MAP2: variants seen among roughly 807,000 people sequenced by gnomAD.
The protein encoded by MAP2 is microtubule-associated protein 2.
Under a neutral mutation model 137.6 loss-of-function variants are expected in MAP2, and 14 were observed. The observed-to-expected ratio is 0.10, with a 90% CI of 0.07 to 0.16. The LOEUF (loss-of-function observed/expected upper bound fraction) is 0.16. Ranked by LOEUF, MAP2 falls within the 10% of genes least tolerant of loss-of-function variation. The probability of loss-of-function intolerance (pLI) is 1.00; values close to 1 mark genes in which losing one functional copy is unlikely to be tolerated. For synonymous variants in MAP2, 786 were observed against 782.3 expected, an observed-to-expected ratio of 1.00 and a Z score of -0.08; for missense variants, 2,088 against 2,191.5, an observed-to-expected ratio of 0.95 and a Z score of 0.94.
intron 3 of MAP2, among the ~76,000 whole-genome samples, chr2:209,580,605 C>T (rs1212482523): frequency 6.6e-6 from 1 of 152,080 alleles, no homozygotes; most frequent in Non-Finnish European, 1.5e-5. Context: ...TCTTTATTGA[C>T]ATTTCAGTCT....
intron 5 of MAP2, among the ~76,000 whole-genome samples, chr2:209,676,471 T>C (rs1161271184): frequency 2.0e-5 from 3 of 151,436 alleles, no homozygotes; most frequent in Non-Finnish European, 4.4e-5. Flanking sequence ...AAATAATCTG[T>C]ACAACAAGCC....
chr2:209,628,448 A>C (rs2153540714), intron 4 of MAP2, among the ~76,000 whole-genome samples: 1 of 152,324 alleles, frequency 6.6e-6, no homozygotes, highest in South Asian at 2.1e-4. Flanking sequence ...AGATAATTAC[A>C]GTACCAAGCT....
At chr2:209,498,693 T>G (rs2060038315) in intron 1 of MAP2, among the ~76,000 whole-genome samples, 1 of 152,230 alleles carries the variant, frequency 6.6e-6, no homozygotes, top group Non-Finnish European at 1.5e-5. Flanking sequence ...CTGCCAAGAC[T>G]TACAGCAGTT....
intron 3 of MAP2, among the ~76,000 whole-genome samples, chr2:209,589,133 A>G (rs1001401490): frequency 6.6e-6 from 1 of 152,158 alleles, no homozygotes; most frequent in African/African-American, 2.4e-5. Context: ...GAATAATGCA[A>G]CCAGTTAAGA....
chr2:209,458,485 T>C (rs1185365935), intron 1 of MAP2, among the ~76,000 whole-genome samples: 5 of 152,038 alleles, frequency 3.3e-5, no homozygotes, highest in African/African-American at 2.4e-5. Flanking sequence ...CCAACCAAAA[T>C]ATGGTCCATG....
At chr2:209,526,026 A>C (rs770481949) in intron 2 of MAP2, among the ~76,000 whole-genome samples, 46 of 152,056 alleles carry the variant, frequency 3.0e-4, no homozygotes, top group Admixed American at 4.6e-4. Flanking sequence ...CATTTTGTCA[A>C]AATGGAATTC....
intron 1 of MAP2, among the ~76,000 whole-genome samples, chr2:209,455,012 T>C (rs1701203400): frequency 6.6e-6 from 1 of 152,156 alleles, no homozygotes; most frequent in South Asian, 2.1e-4. Context: ...CCCCACATGG[T>C]GGAGAAAGGG....
chr2:209,471,045 A>C (rs928535983), intron 1 of MAP2, among the ~76,000 whole-genome samples: 1 of 152,146 alleles, frequency 6.6e-6, no homozygotes, highest in Non-Finnish European at 1.5e-5. Context: ...TGGTACAAAG[A>C]CAAATCTTTC....
chr2:209,531,921 G>T (rs766110612), intron 2 of MAP2, among the ~76,000 whole-genome samples: 13 of 152,082 alleles, frequency 8.5e-5, no homozygotes, highest in Non-Finnish European at 1.8e-4. Context: ...ATGTTGATTT[G>T]TTTCCTCACT....
intron 3 of MAP2, among the ~76,000 whole-genome samples, chr2:209,609,592 C>CT (rs2086117639): frequency 6.6e-6 from 1 of 152,130 alleles, no homozygotes; most frequent in Non-Finnish European, 1.5e-5. Context: ...AATAGGTGGT[C>CT]TTTTGTAGAA....
chr2:209,647,245 C>T (rs1289084966), intron 4 of MAP2, among the ~76,000 whole-genome samples: 1 of 152,142 alleles, frequency 6.6e-6, no homozygotes, highest in Non-Finnish European at 1.5e-5. Context: ...TCAGTCCCCA[C>T]CTCCAACACT....
chr2:209,558,767 C>CT (rs1337207690), intron 2 of MAP2, among the ~76,000 whole-genome samples: 1 of 151,598 alleles, frequency 6.6e-6, no homozygotes, highest in Non-Finnish European at 1.5e-5. Context: ...CCAGCACCTG[C>CT]TTTTTTAAAA....
chr2:209,468,765 G>A (rs1704867129), intron 1 of MAP2, among the ~76,000 whole-genome samples: 1 of 152,182 alleles, frequency 6.6e-6, no homozygotes, highest in Non-Finnish European at 1.5e-5. Flanking sequence ...CCTTTGGAAA[G>A]AGTGTTACAG....
intron 5 of MAP2, among the ~76,000 whole-genome samples, chr2:209,676,414 A>G (rs541748442): frequency 5.9e-5 from 9 of 151,792 alleles, no homozygotes; most frequent in Non-Finnish European, 1.2e-4. Context: ...GAGGGAGAGG[A>G]TCAGGAAAAA....
chr2:209,688,650 A>G (rs1041285607), intron 7 of MAP2, among the ~76,000 whole-genome samples: 4 of 152,190 alleles, frequency 2.6e-5, no homozygotes, highest in Admixed American at 2.0e-4. Context: ...TGGGAGACTC[A>G]AGTGTATAAT....
chr2:209,696,192 C>T lies in MAP2; in HGVS notation c.4022C>T (p.Ala1341Val). 6.2e-7 allele frequency: 1 copy of T among 1,613,436 alleles called. No individual in the cohort carries two copies. The highest frequency in any genetic ancestry group is 8.5e-7 in the Non-Finnish European group (1 of 1,179,796). Residue 1341 changes from alanine (A) to valine (V), a missense_variant, in exon 8 of 16, where the codon GCA (alanine) becomes GTA (valine). Coordinates refer to ENST00000682079, the MANE Select transcript of MAP2 (RefSeq NM_001375505.1). ...GTAGAAGAGGCAGCTGAAGCCCAGG[C>T]AGAACCCAAAGATGGTTCCCCAGAG... ...FEVEEAAEAQ[A>V]EPKDGSPEAP...
chr2:209,649,012 G>C (rs1458137539), intron 4 of MAP2, among the ~76,000 whole-genome samples: 2 of 152,002 alleles, frequency 1.3e-5, no homozygotes, highest in Admixed American at 6.6e-5. Context: ...GAGAGAATTT[G>C]TCTTTGTCTT....
At chr2:209,711,835 T>C (rs1180183336) in intron 13 of MAP2, among the ~76,000 whole-genome samples, 1 of 152,162 alleles carries the variant, frequency 6.6e-6, no homozygotes, top group East Asian at 1.9e-4. Flanking sequence ...CTATTATGTA[T>C]ATTTAAAAAT....
chr2:209,605,929 A>T (rs528695810), intron 3 of MAP2, among the ~76,000 whole-genome samples: 2 of 152,200 alleles, frequency 1.3e-5, no homozygotes, highest in Non-Finnish European at 2.9e-5. Flanking sequence ...TCTGACAAGT[A>T]TCTGGAAATC....
Sources: gnomAD v4.1 joint callset for allele counts (sites outside exome capture counted in the v4.1 genomes callset) on GRCh38, gnomAD v4.1.1 for gene constraint, MANE v1.5 for transcripts, NCBI Gene and HGNC (gene_info 2026-07-23, HGNC 2026-07-21) for gene names.